The following PTPRT variants were observed in gnomAD, a reference collection of about 807,000 sequenced individuals.
PTPRT encodes the protein protein tyrosine phosphatase receptor type T.
In PTPRT, 56 loss-of-function variants were observed where a neutral mutation model predicts 176.8. The ratio of observed to expected loss-of-function variants is 0.32; its 90% CI spans 0.26 to 0.40. The LOEUF is 0.40. Among genes scored for constraint, PTPRT ranks in the 10% least tolerant of loss-of-function variants. The pLI, the probability that PTPRT is intolerant of heterozygous loss-of-function variation, is 1.00. For missense variants in PTPRT, 1,540 were observed against 1,908.2 expected (o/e 0.81, Z 3.60); for synonymous variants, 783 against 739.0 (o/e 1.06, Z -0.96).
At chr20:42,541,223 C>G (rs1049551265) in intron 7 of PTPRT, among the ~76,000 whole-genome samples, 1 of 152,014 alleles carries the variant, frequency 6.6e-6, no homozygotes, top group Admixed American at 6.6e-5. Flanking sequence ...CAAGATAATT[C>G]TAAATTTTAT....
chr20:42,673,552 G>A (rs2075448133), intron 7 of PTPRT, among the ~76,000 whole-genome samples: 1 of 152,110 alleles, frequency 6.6e-6, no homozygotes, highest in Non-Finnish European at 1.5e-5. Context: ...CTGAGGGCTG[G>A]AAAGTCCAAT....
intron 1 of PTPRT, among the ~76,000 whole-genome samples, chr20:43,059,844 TG>T (rs34925620): frequency 7.6e-4 from 115 of 152,088 alleles, no homozygotes; most frequent in African/African-American, 2.4e-3. Flanking sequence ...CTGGGCATGG[TG>T]GTACACGTCT....
chr20:42,350,787 C>T lies in PTPRT; in HGVS notation c.1763-57G>A, dbSNP rs974256083. The stretch of plus-strand genomic sequence containing the variant: ...CAGCACAGATTCCCAACTGGCTCCC[C>T]ACCGCCCCTTGCTGCCATCCTTAAA... On this transcript the variant is annotated intron_variant, in intron 10 of 30. Transcript: ENST00000373187. 3.1e-6 allele frequency: 4 copies of T among 1,302,318 alleles called. No individual in the cohort carries two copies. The Admixed American group carries it at 5.1e-5, about 16-fold the overall frequency. The allele number at this position is 1,302,318 out of a possible 1,614,324, so 80.7% of individuals were successfully genotyped here. A position where few individuals can be genotyped will look rare whatever the true frequency, so the allele number is the denominator to read the frequency against.
intron 7 of PTPRT, among the ~76,000 whole-genome samples, chr20:42,666,042 T>C (rs1049942702): frequency 9.9e-5 from 15 of 151,884 alleles, no homozygotes; most frequent in Non-Finnish European, 2.1e-4. Context: ...TGTATACATA[T>C]GTAACAAACC....
chr20:42,180,078 C>T (rs886066932), intron 16 of PTPRT, among the ~76,000 whole-genome samples: 11 of 152,188 alleles, frequency 7.2e-5, no homozygotes, highest in Admixed American at 3.3e-4. Context: ...TTTCTCCTTA[C>T]CCCAGAAGGC....
intron 6 of PTPRT, among the ~76,000 whole-genome samples, chr20:42,682,271 C>G (rs181968688): frequency 4.5e-4 from 68 of 152,110 alleles, no homozygotes; most frequent in African/African-American, 1.6e-3. Context: ...ATAAGTGATA[C>G]CTTAAAAGTT....
At chr20:42,576,048 G>A (rs1200184187) in intron 7 of PTPRT, among the ~76,000 whole-genome samples, 2 of 152,170 alleles carry the variant, frequency 1.3e-5, no homozygotes, top group Non-Finnish European at 2.9e-5. Context: ...AACCTGTCGA[G>A]ACTCAGGACC....
At chr20:42,138,068 A>G (rs1988456154) in intron 18 of PTPRT, among the ~76,000 whole-genome samples, 1 of 152,250 alleles carries the variant, frequency 6.6e-6, no homozygotes, top group Non-Finnish European at 1.5e-5. Flanking sequence ...GAGGGCTTCT[A>G]GAAATACAGA....
chr20:42,803,584 C>T (rs868161436), intron 2 of PTPRT, among the ~76,000 whole-genome samples: 49 of 152,308 alleles, frequency 3.2e-4, no homozygotes, highest in African/African-American at 9.6e-4. Context: ...GAAGGAGTCT[C>T]GCTCTGTTGC....
At chr20:42,660,733 G>A (rs1019956333) in intron 7 of PTPRT, among the ~76,000 whole-genome samples, 3 of 152,192 alleles carry the variant, frequency 2.0e-5, no homozygotes, top group African/African-American at 4.8e-5. Flanking sequence ...ACAAGGTAAC[G>A]ATCCCTGGGG....
chr20:42,590,487 C>A (rs560849990), intron 7 of PTPRT, among the ~76,000 whole-genome samples: 4 of 152,184 alleles, frequency 2.6e-5, no homozygotes, highest in African/African-American at 9.6e-5. Flanking sequence ...TGTCCCTGAC[C>A]TTAAGGAGAC....
chr20:42,885,053 C>T (rs866047327), intron 2 of PTPRT, among the ~76,000 whole-genome samples: 6 of 151,678 alleles, frequency 4.0e-5, no homozygotes, highest in Middle Eastern at 6.9e-3. Context: ...CAAGAATTCA[C>T]ACTAGGCCTT....
intron 13 of PTPRT, among the ~76,000 whole-genome samples, chr20:42,278,124 T>C (rs1326986223): frequency 1.1e-5 from 1 of 95,190 alleles, no homozygotes; most frequent in Non-Finnish European, 2.1e-5. Flanking sequence ...TATATATATA[T>C]ATATATATAT....
intron 27 of PTPRT, among the ~76,000 whole-genome samples, chr20:42,096,695 C>G (rs182043042): frequency 6.6e-6 from 1 of 152,090 alleles, no homozygotes; most frequent in Non-Finnish European, 1.5e-5. Context: ...GCAATCCTCC[C>G]GCCTCAGCCT....
chr20:42,946,477 G>A (rs565514448), intron 1 of PTPRT, among the ~76,000 whole-genome samples: 10 of 152,314 alleles, frequency 6.6e-5, no homozygotes, highest in Middle Eastern at 3.4e-3. Flanking sequence ...AAATTGTGCT[G>A]TATTTTAAGT....
intron 2 of PTPRT, among the ~76,000 whole-genome samples, chr20:42,841,610 TACACACACACACACACACACACAC>T (rs3973897): frequency 1.7e-4 from 24 of 141,020 alleles, no homozygotes; most frequent in African/African-American, 3.7e-4. Flanking sequence ...TAGTGTTAAA[TACACACACACACACACACACACAC>T]ACACACACAC....
intron 6 of PTPRT, among the ~76,000 whole-genome samples, chr20:42,689,643 T>C (rs1036102138): frequency 6.6e-6 from 1 of 152,186 alleles, no homozygotes; most frequent in Non-Finnish European, 1.5e-5. Flanking sequence ...AAAACTTGTA[T>C]AGACTCTGAA....
intron 9 of PTPRT, among the ~76,000 whole-genome samples, chr20:42,438,415 A>C (rs1403446954): frequency 1.3e-5 from 2 of 152,162 alleles, no homozygotes; most frequent in Non-Finnish European, 2.9e-5. Context: ...ATATGAGGTG[A>C]TCACAGGCCC....
chr20:42,807,184 AT>A (rs2077622904), intron 2 of PTPRT, among the ~76,000 whole-genome samples: 1 of 152,188 alleles, frequency 6.6e-6, no homozygotes, highest in South Asian at 2.1e-4. Context: ...ACAGACCTTT[AT>A]CTTCTACTAG....
Sources: allele counts gnomAD v4.1 joint callset (sites outside exome capture counted in the v4.1 genomes callset), GRCh38; gene constraint gnomAD v4.1.1; transcripts MANE v1.5; gene names NCBI Gene and HGNC (gene_info 2026-07-23, HGNC 2026-07-21).